Variants in ST6GALNAC5 observed in about 807,000 individuals in gnomAD.
ST6GALNAC5 encodes the protein alpha-N-acetylgalactosaminide alpha-2,6-sialyltransferase 5.
ST6GALNAC5 carries 27 observed loss-of-function variants against 33.6 expected under a neutral mutation model. The observed-to-expected ratio is 0.80, with a 90% confidence interval of 0.59 to 1.11. The LOEUF is 1.11. Ranked by LOEUF, ST6GALNAC5 falls within the 50% of genes least tolerant of loss-of-function variation. The pLI, the probability that ST6GALNAC5 is intolerant of heterozygous loss-of-function variation, is 0.00. For synonymous variants in ST6GALNAC5, 194 were observed against 171.2 expected, an observed-to-expected ratio of 1.13 and a Z score of -1.04; for missense variants, 428 against 454.0, an observed-to-expected ratio of 0.94 and a Z score of 0.52.
At position 77,065,221 on chromosome 1, in the gene ST6GALNAC5, A is replaced by G. The variant is rs867778058; in HGVS notation, c.*2015A>G. On this transcript the variant is annotated 3_prime_UTR_variant, in exon 5 of 5. Transcript: ENST00000477717. ...CTTGAAGACGTTATGTTGCTCAAAC[A>G]TAAGTGGCTCCTTTGGCAATTTCTA... is the stretch of plus-strand genomic sequence containing the variant. 5 of 152,342 alleles carry G rather than the reference A, an allele frequency of 3.3e-5. No homozygotes were observed. The highest frequency in any genetic ancestry group is 7.4e-5 in the Non-Finnish European group (5 of 68,022). The allele number at this position is 152,342 out of a possible 1,614,324, so 9.4% of individuals were successfully genotyped here.
chr1:76,886,980 T>C (rs1005778765), intron 2 of ST6GALNAC5, among the ~76,000 whole-genome samples: 1 of 152,224 alleles, frequency 6.6e-6, no homozygotes, highest in Non-Finnish European at 1.5e-5. Context: ...TATTTTCACC[T>C]TTTGCCTATT....
chr1:76,882,448 T>G (rs1427010496), intron 2 of ST6GALNAC5, among the ~76,000 whole-genome samples: 1 of 152,186 alleles, frequency 6.6e-6, no homozygotes, highest in Non-Finnish European at 1.5e-5. Flanking sequence ...AATTCTGAGA[T>G]GTAATACTTA....
chr1:76,998,877 C>A (rs535227247), intron 2 of ST6GALNAC5, among the ~76,000 whole-genome samples: 7 of 152,068 alleles, frequency 4.6e-5, no homozygotes, highest in Admixed American at 4.6e-4. Flanking sequence ...TTCCATCTTC[C>A]GTAAATAACA....
At chr1:76,936,852 T>C (rs1424090568) in intron 2 of ST6GALNAC5, among the ~76,000 whole-genome samples, 1 of 151,916 alleles carries the variant, frequency 6.6e-6, no homozygotes, top group Non-Finnish European at 1.5e-5. Context: ...CTTTGGACTT[T>C]GTACCAGAGG....
intron 2 of ST6GALNAC5, among the ~76,000 whole-genome samples, chr1:77,033,752 C>T (rs1391656006): frequency 6.6e-6 from 1 of 152,144 alleles, no homozygotes; most frequent in African/African-American, 2.4e-5. Context: ...GGAATGCTTA[C>T]TGTTTCCCAG....
intron 2 of ST6GALNAC5, among the ~76,000 whole-genome samples, chr1:76,911,552 G>A (rs1263648888): frequency 2.0e-5 from 3 of 151,942 alleles, no homozygotes; most frequent in Non-Finnish European, 2.9e-5. Flanking sequence ...GGTAGAATTC[G>A]GCTGTGAATC....
At chr1:76,960,141 C>T (rs1373750274) in intron 2 of ST6GALNAC5, among the ~76,000 whole-genome samples, 1 of 152,192 alleles carries the variant, frequency 6.6e-6, no homozygotes, top group African/African-American at 2.4e-5. Context: ...GAAATTCACC[C>T]CCGATATTTC....
intron 2 of ST6GALNAC5, among the ~76,000 whole-genome samples, chr1:76,988,296 C>G (rs1649589673): frequency 6.6e-6 from 1 of 151,920 alleles, no homozygotes; most frequent in South Asian, 2.1e-4. Flanking sequence ...GTTTTTGATT[C>G]TGTCACTATC....
intron 2 of ST6GALNAC5, among the ~76,000 whole-genome samples, chr1:76,994,191 T>C (rs193301598): frequency 1.1e-3 from 160 of 152,336 alleles, no homozygotes; most frequent in African/African-American, 3.7e-3. Flanking sequence ...TCTATTTTGA[T>C]TGACACCAAA....
chr1:76,928,468 A>G (rs1219159477), intron 2 of ST6GALNAC5, among the ~76,000 whole-genome samples: 1 of 152,082 alleles, frequency 6.6e-6, no homozygotes, highest in Non-Finnish European at 1.5e-5. Context: ...TCTTTTCCCA[A>G]TTTCATAGCA....
intron 2 of ST6GALNAC5, among the ~76,000 whole-genome samples, chr1:76,951,800 A>G (rs1647760070): frequency 6.6e-6 from 1 of 152,096 alleles, no homozygotes; most frequent in South Asian, 2.1e-4. Flanking sequence ...TTCTTTAAGA[A>G]TGTTTTTATT....
chr1:76,932,803 T>C (rs1285202066), intron 2 of ST6GALNAC5, among the ~76,000 whole-genome samples: 2 of 152,034 alleles, frequency 1.3e-5, no homozygotes, highest in East Asian at 1.9e-4. Context: ...TACCTTAGTA[T>C]AGTTAGAGGA....
chr1:76,896,997 T>A (rs1023279170), intron 2 of ST6GALNAC5, among the ~76,000 whole-genome samples: 4 of 151,842 alleles, frequency 2.6e-5, no homozygotes, highest in Non-Finnish European at 5.9e-5. Context: ...TGTTGTTTTG[T>A]AAGGGATTGA....
intron 2 of ST6GALNAC5, among the ~76,000 whole-genome samples, chr1:77,034,378 C>G (rs1651574718): frequency 6.6e-6 from 1 of 152,110 alleles, no homozygotes; most frequent in Non-Finnish European, 1.5e-5. Flanking sequence ...AGAGCCTACC[C>G]TCATCCAGTA....
intron 2 of ST6GALNAC5, among the ~76,000 whole-genome samples, chr1:77,041,442 A>T (rs12084236): frequency 6.6e-6 from 1 of 152,120 alleles, no homozygotes; most frequent in African/African-American, 2.4e-5. Flanking sequence ...TTGCGCTAAC[A>T]TAATATCTGT....
intron 2 of ST6GALNAC5, among the ~76,000 whole-genome samples, chr1:76,905,901 TAGAG>T (rs1646859650): frequency 6.6e-6 from 1 of 152,154 alleles, no homozygotes; most frequent in African/African-American, 2.4e-5. Flanking sequence ...AGGCTTTCCT[TAGAG>T]GGAGCGCTTT....
chr1:76,951,683 GT>G (rs1280416524), intron 2 of ST6GALNAC5, among the ~76,000 whole-genome samples: 7 of 152,034 alleles, frequency 4.6e-5, no homozygotes, highest in Non-Finnish European at 1.0e-4. Flanking sequence ...ATTTAAAAAG[GT>G]GTGTGTTTAA....
chr1:76,955,244 T>C (rs1194555444), intron 2 of ST6GALNAC5, among the ~76,000 whole-genome samples: 2 of 152,146 alleles, frequency 1.3e-5, no homozygotes, highest in Admixed American at 6.5e-5. Flanking sequence ...AGGCAGAGGT[T>C]TGGAGGCCTG....
At chr1:77,041,484 G>T (rs1651828914) in intron 2 of ST6GALNAC5, among the ~76,000 whole-genome samples, 1 of 152,166 alleles carries the variant, frequency 6.6e-6, no homozygotes, top group Admixed American at 6.5e-5. Flanking sequence ...TACGTAATAG[G>T]AATTTCACCA....
Sources: allele counts gnomAD v4.1 joint callset (sites outside exome capture counted in the v4.1 genomes callset), GRCh38; gene constraint gnomAD v4.1.1; transcripts MANE v1.5; gene names NCBI Gene and HGNC (gene_info 2026-07-23, HGNC 2026-07-21).